Variants in NMNAT3 observed in about 807,000 individuals in gnomAD.
The protein encoded by NMNAT3 is nicotinamide/nicotinic acid mononucleotide adenylyltransferase 3.
Under a neutral mutation model 24.8 loss-of-function variants are expected in NMNAT3, and 21 were observed. That is an observed-to-expected ratio of 0.85 (90% CI 0.60 to 1.22). The LOEUF is 1.22. NMNAT3 is among the 50% of genes most tolerant of loss of function. The probability of loss-of-function intolerance (pLI) is 0.00; values close to 1 mark genes in which losing one functional copy is unlikely to be tolerated. For synonymous variants in NMNAT3, 136 were observed against 155.2 expected (o/e 0.88, Z 0.92); for missense variants, 387 against 436.6 (o/e 0.89, Z 1.01).
In NMNAT3 at chr3:139,579,056, C is replaced by T. The variant is rs1559869099; in HGVS notation, c.392-1G>A. 1.2e-6 allele frequency: 2 copies of T among 1,612,614 alleles called. No homozygotes were observed. The highest frequency in any genetic ancestry group is 2.2e-5 in the South Asian group (2 of 90,594). The stretch of plus-strand genomic sequence containing the variant: ...ATACCCTGGATGACCTGGTACATTC[C>T]TAGGTAAGAGAGAGCAGTGGTGTTG... On this transcript the variant is annotated splice_acceptor_variant, in intron 4 of 6. Coordinates refer to ENST00000643695, the MANE Select transcript of NMNAT3 (RefSeq NM_001320510.2). LOFTEE classifies it high-confidence loss of function.
chr3:139,615,093 T>C (rs1303446665), intron 3 of NMNAT3, among the ~76,000 whole-genome samples: 1 of 152,212 alleles, frequency 6.6e-6, no homozygotes, highest in African/African-American at 2.4e-5. Flanking sequence ...TATTATTTGT[T>C]TTTATGTTCA....
At chr3:139,625,763 C>T (rs1484238569) in intron 3 of NMNAT3, among the ~76,000 whole-genome samples, 1 of 152,046 alleles carries the variant, frequency 6.6e-6, no homozygotes, top group Non-Finnish European at 1.5e-5. Context: ...CTGTGTTGGT[C>T]CATGCTTCTG....
At position 139,640,342 on chromosome 3, in the gene NMNAT3, A is replaced by G. The variant is rs2056657253; in HGVS notation, c.-140-2280T>C. Among the ~76,000 whole-genome samples the G allele has an allele frequency of 2.6e-5, 4 of 152,340 alleles. 1 individual carries two copies. The South Asian group carries it at 8.3e-4, about 32-fold the overall frequency. ...GGTTTTAAGAAATGAAGATTCTGGT[A>G]AAGGAGAAAGAAAAATTGCTGAGGA... On this transcript the variant is annotated intron_variant, in intron 1 of 6. Transcript: ENST00000643695.
chr3:139,611,456 G>A (rs2055211178), intron 3 of NMNAT3, among the ~76,000 whole-genome samples: 1 of 152,162 alleles, frequency 6.6e-6, no homozygotes, highest in Admixed American at 6.5e-5. Flanking sequence ...CTAGAGAGAT[G>A]GGGTAAATTG....
chr3:139,590,379 G>A (rs927169400), intron 3 of NMNAT3, among the ~76,000 whole-genome samples: 1 of 152,190 alleles, frequency 6.6e-6, no homozygotes, highest in East Asian at 1.9e-4. Flanking sequence ...ATCAATTTGG[G>A]AGCATGTGGT....
In NMNAT3 at chr3:139,638,759, G is replaced by C. The variant is rs531800722; in HGVS notation, c.-140-697C>G. Among the ~76,000 whole-genome samples the C allele has an allele frequency of 3.3e-5, 5 of 152,230 alleles. No individual in the cohort carries two copies. The South Asian group carries it at 1.0e-3, about 32-fold the overall frequency. ...ATCCATCCTCTGCGTAGCTGCCCAA[G>C]GGATCTGTCAACACACACATCAACA... is the stretch of plus-strand genomic sequence containing the variant. On this transcript the variant is annotated intron_variant, in intron 1 of 6. Transcript: ENST00000643695.
intron 3 of NMNAT3, among the ~76,000 whole-genome samples, chr3:139,594,408 T>C (rs1258567800): frequency 6.6e-6 from 1 of 152,156 alleles, no homozygotes; most frequent in East Asian, 1.9e-4. Context: ...TACCATTCCT[T>C]CTGAAACTAT....
chr3:139,587,484 T>A (rs2053986690), intron 3 of NMNAT3, among the ~76,000 whole-genome samples: 1 of 152,146 alleles, frequency 6.6e-6, no homozygotes, highest in South Asian at 2.1e-4. Flanking sequence ...TAGAAAGTAG[T>A]GAGGGCAGCT....
At chr3:139,565,084 C>T (rs1421813708) in intron 6 of NMNAT3, among the ~76,000 whole-genome samples, 1 of 152,104 alleles carries the variant, frequency 6.6e-6, no homozygotes, top group African/African-American at 2.4e-5. Context: ...AAGTGTTTCT[C>T]CACATCATCA....
intron 1 of NMNAT3, among the ~76,000 whole-genome samples, chr3:139,673,887 G>A (rs1025930897): frequency 6.6e-6 from 1 of 152,024 alleles, no homozygotes; most frequent in Non-Finnish European, 1.5e-5. Flanking sequence ...CCAAGCAGAG[G>A]AGGTAATTCA....
intron 1 of NMNAT3, among the ~76,000 whole-genome samples, chr3:139,656,363 T>C (rs1043087947): frequency 1.3e-5 from 2 of 152,194 alleles, no homozygotes; most frequent in African/African-American, 4.8e-5. Flanking sequence ...GCAGCTTGAA[T>C]GAGCTTAACA....
At chr3:139,650,435 C>T (rs797000083) in intron 1 of NMNAT3, among the ~76,000 whole-genome samples, 12 of 152,294 alleles carry the variant, frequency 7.9e-5, no homozygotes, top group African/African-American at 2.9e-4. Context: ...TGGTTTTGTG[C>T]TCCCATTTGC....
In NMNAT3 at chr3:139,560,690, C is replaced by T. The variant is rs550337180; in HGVS notation, c.*320G>A. The T allele has an allele frequency of 9.9e-5, 29 of 293,872 alleles. No individual in the cohort carries two copies. Among genetic ancestry groups the T allele is most frequent in the African/African-American group, 3.6e-4 (17 of 46,836 alleles). The allele number at this position is 293,872 out of a possible 1,614,324, so 18.2% of individuals were successfully genotyped here. On this transcript the variant is annotated 3_prime_UTR_variant, in exon 7 of 7. Transcript: ENST00000643695. ...CTGCCATGCTCAGAACTGCATTCAG[C>T]GTGCATGCCATAATTACCATCCACA...
At chr3:139,577,699 T>C (rs1939544695) in intron 5 of NMNAT3, 1 of 152,152 alleles carries the variant, frequency 6.6e-6, no homozygotes, top group Non-Finnish European at 1.5e-5. Context: ...AATATAAGGG[T>C]CTTTGTTTAT....
At chr3:139,593,341 G>C (rs569264941) in intron 3 of NMNAT3, among the ~76,000 whole-genome samples, 71 of 152,274 alleles carry the variant, frequency 4.7e-4, no homozygotes, top group African/African-American at 1.7e-3. Context: ...AAGAGACTTA[G>C]ACTCCCACAC....
chr3:139,674,108 A>G lies in NMNAT3; in HGVS notation c.-141+3597T>C, dbSNP rs540042441. Among the ~76,000 whole-genome samples, 5 of 152,282 alleles carry G rather than the reference A, an allele frequency of 3.3e-5. No homozygotes were observed. In the East Asian group the frequency reaches 7.7e-4, roughly 24 times the overall value. ...CACTGGGCAGGAAGGCAGCCCAGAC[A>G]CAGCACTTCTGGGTGGAAAGAGCAG... On this transcript the variant is annotated intron_variant, in intron 1 of 6. Transcript: ENST00000643695.
At chr3:139,609,070 T>C (rs1293158377) in intron 3 of NMNAT3, among the ~76,000 whole-genome samples, 1 of 152,172 alleles carries the variant, frequency 6.6e-6, no homozygotes, top group Non-Finnish European at 1.5e-5. Flanking sequence ...GCACGAATGA[T>C]TTGTTTCTTT....
chr3:139,673,124 G>C (rs747511414), intron 1 of NMNAT3, among the ~76,000 whole-genome samples: 1 of 152,268 alleles, frequency 6.6e-6, no homozygotes, highest in African/African-American at 2.4e-5. Flanking sequence ...GTGTGCCCAG[G>C]AGTATCAGAG....
At chr3:139,656,539 G>A (rs1389900609) in intron 1 of NMNAT3, among the ~76,000 whole-genome samples, 2 of 151,426 alleles carry the variant, frequency 1.3e-5, no homozygotes, top group African/African-American at 4.9e-5. Context: ...CAAAATGCCA[G>A]CACTTTGGGA....
Sources: gnomAD v4.1 joint callset for allele counts (sites outside exome capture counted in the v4.1 genomes callset) on GRCh38, gnomAD v4.1.1 for gene constraint, MANE v1.5 for transcripts, NCBI Gene and HGNC (gene_info 2026-07-23, HGNC 2026-07-21) for gene names.